Variants in SHANK2 observed in about 807,000 individuals in gnomAD.
SHANK2 encodes SH3 and multiple ankyrin repeat domains protein 2.
In SHANK2, 43 loss-of-function variants were observed where a neutral mutation model predicts 133.7. The observed-to-expected ratio is 0.32, with a 90% CI of 0.25 to 0.41. The LOEUF is 0.41. SHANK2 is among the 10% of genes least tolerant of loss of function. The pLI is 1.00. For missense variants in SHANK2, 1,994 were observed against 2,235.8 expected (o/e 0.89, Z 2.18); for synonymous variants, 1,017 against 952.8 (o/e 1.07, Z -1.24).
intron 17 of SHANK2, among the ~76,000 whole-genome samples, chr11:70,560,013 G>A (rs370867652): frequency 2.6e-5 from 4 of 151,882 alleles, no homozygotes; most frequent in Non-Finnish European, 5.9e-5. Context: ...CTGGGATTAC[G>A]GGCACACACC....
chr11:71,120,328 T>C (rs1354424859), intron 3 of SHANK2, among the ~76,000 whole-genome samples: 1 of 152,218 alleles, frequency 6.6e-6, no homozygotes, highest in Non-Finnish European at 1.5e-5. Context: ...AATAATTCAC[T>C]TTGTCACTGT....
intron 14 of SHANK2, among the ~76,000 whole-genome samples, chr11:70,736,775 C>T (rs1565280099): frequency 6.6e-6 from 1 of 152,194 alleles, no homozygotes; most frequent in Non-Finnish European, 1.5e-5. Context: ...ACACAACCCC[C>T]ACCCCACCCT....
At chr11:70,725,217 A>G (rs896182031) in intron 14 of SHANK2, among the ~76,000 whole-genome samples, 4 of 152,216 alleles carry the variant, frequency 2.6e-5, no homozygotes, top group Non-Finnish European at 4.4e-5. Context: ...ACTGTGTGGA[A>G]TTTTAGTGAG....
At chr11:70,677,108 G>C (rs1432744532) in intron 15 of SHANK2, among the ~76,000 whole-genome samples, 1 of 152,206 alleles carries the variant, frequency 6.6e-6, no homozygotes, top group African/African-American at 2.4e-5. Context: ...AAGGGAGACA[G>C]AGTTTAGGTA....
At chr11:70,499,498 G>T (rs1029698331) in intron 21 of SHANK2, among the ~76,000 whole-genome samples, 6 of 152,216 alleles carry the variant, frequency 3.9e-5, no homozygotes, top group African/African-American at 1.4e-4. Flanking sequence ...GACTTCTGTT[G>T]TCCCACGCTG....
At chr11:70,652,086 C>A (rs1420817442) in intron 17 of SHANK2, among the ~76,000 whole-genome samples, 2 of 152,244 alleles carry the variant, frequency 1.3e-5, no homozygotes, top group Admixed American at 1.3e-4. Context: ...GGATTTGCTG[C>A]TAGAGGGCAA....
intron 1 of SHANK2, among the ~76,000 whole-genome samples, chr11:71,243,700 A>C (rs1356793887): frequency 6.6e-6 from 1 of 152,276 alleles, no homozygotes; most frequent in East Asian, 1.9e-4. Flanking sequence ...GTCTCAAAAA[A>C]ATAATAACAA....
intron 15 of SHANK2, among the ~76,000 whole-genome samples, chr11:70,692,904 T>C (rs1945319641): frequency 1.3e-5 from 2 of 152,208 alleles, no homozygotes; most frequent in Non-Finnish European, 2.9e-5. Flanking sequence ...AAACAGATGC[T>C]CAGCACCTTC....
intron 17 of SHANK2, among the ~76,000 whole-genome samples, chr11:70,543,033 G>T (rs1173695441): frequency 1.3e-5 from 2 of 152,202 alleles, no homozygotes; most frequent in African/African-American, 4.8e-5. Context: ...TGCGCTGGGT[G>T]AGGAGGCAGA....
chr11:70,937,685 C>CT (rs797040452), intron 10 of SHANK2, among the ~76,000 whole-genome samples: 2,051 of 145,956 alleles, frequency 0.014, 39 homozygotes, highest in African/African-American at 0.044. Context: ...GTGCGTGCAT[C>CT]TTTTTTTTTT....
At chr11:70,889,660 A>G (rs565456985) in intron 11 of SHANK2, among the ~76,000 whole-genome samples, 33 of 152,296 alleles carry the variant, frequency 2.2e-4, no homozygotes, top group South Asian at 1.5e-3. Flanking sequence ...GGGCATCTGC[A>G]TTCCACACAA....
intron 3 of SHANK2, among the ~76,000 whole-genome samples, chr11:71,146,089 A>T (rs1220284827): frequency 6.6e-6 from 1 of 152,062 alleles, no homozygotes; most frequent in Non-Finnish European, 1.5e-5. Flanking sequence ...CCCCACCCAC[A>T]TTCCCCAGGT....
At chr11:71,193,197 C>G (rs1555115717) in intron 2 of SHANK2, among the ~76,000 whole-genome samples, 1 of 152,198 alleles carries the variant, frequency 6.6e-6, no homozygotes, top group African/African-American at 2.4e-5. Context: ...AAGGCACGGG[C>G]CCCAGTGATG....
At chr11:70,764,097 T>TCCATCCAC (rs1947057363) in intron 14 of SHANK2, among the ~76,000 whole-genome samples, 4 of 138,876 alleles carry the variant, frequency 2.9e-5, no homozygotes, top group Non-Finnish European at 4.7e-5. Flanking sequence ...CATCCATCCA[T>TCCATCCAC]CCACCCACCC....
chr11:70,828,578 T>G (rs1490493680), intron 11 of SHANK2, among the ~76,000 whole-genome samples: 1 of 152,236 alleles, frequency 6.6e-6, no homozygotes, highest in Non-Finnish European at 1.5e-5. Flanking sequence ...TTTCCCCCAC[T>G]TCGGGAGGCC....
chr11:70,548,716 A>G (rs937820233), intron 17 of SHANK2, among the ~76,000 whole-genome samples: 1 of 152,202 alleles, frequency 6.6e-6, no homozygotes, highest in Non-Finnish European at 1.5e-5. Flanking sequence ...TCCATGTCCT[A>G]ACCCCCGGAG....
At position 71,201,056 on chromosome 11, in the gene SHANK2, T is replaced by C. The variant is rs146523984; in HGVS notation, c.-13+23641A>G. ...CCCCACACCGACCTCCCCCGAGCCA[T>C]CAAAGAGACAGACACGACAGTGATG... is the stretch of plus-strand genomic sequence containing the variant. On this transcript the variant is annotated intron_variant, in intron 2 of 25. Transcript: ENST00000601538. 4.7e-3 allele frequency among the ~76,000 whole-genome samples: 715 copies of C among 152,066 alleles called. 6 individuals carry two copies. Among genetic ancestry groups the C allele is most frequent in the Non-Finnish European group, 6.6e-3 (450 of 67,974 alleles).
At chr11:71,145,079 G>A (rs1555106461) in intron 3 of SHANK2, among the ~76,000 whole-genome samples, 1 of 152,158 alleles carries the variant, frequency 6.6e-6, no homozygotes, top group African/African-American at 2.4e-5. Context: ...TATAGGAGAA[G>A]GAACTCCAAA....
At chr11:71,236,247 A>G (rs1954825077) in intron 1 of SHANK2, among the ~76,000 whole-genome samples, 1 of 152,248 alleles carries the variant, frequency 6.6e-6, no homozygotes, top group South Asian at 2.1e-4. Context: ...TTATTCAGGA[A>G]CAAAATTTAA....
Sources: gnomAD v4.1 joint callset for allele counts (sites outside exome capture counted in the v4.1 genomes callset) on GRCh38, gnomAD v4.1.1 for gene constraint, MANE v1.5 for transcripts, NCBI Gene and HGNC (gene_info 2026-07-23, HGNC 2026-07-21) for gene names.